Variants in USP15 observed in about 807,000 individuals in gnomAD.
The protein encoded by USP15 is ubiquitin specific peptidase 15, also known as ubiquitin carboxyl-terminal hydrolase 15.
In USP15, 18 loss-of-function variants were observed where a neutral mutation model predicts 127.1. The ratio of observed to expected loss-of-function variants is 0.14; its 90% CI spans 0.10 to 0.21. The LOEUF (loss-of-function observed/expected upper bound fraction) is 0.21, where lower values mean the gene tolerates loss of function less well. USP15 is among the 10% of genes least tolerant of loss of function. The probability of loss-of-function intolerance (pLI) is 1.00; values close to 1 mark genes in which losing one functional copy is unlikely to be tolerated. For missense variants in USP15, 805 were observed against 1,159.9 expected (o/e 0.69, Z 4.44); for synonymous variants, 364 against 393.7 (o/e 0.92, Z 0.89).
intron 8 of USP15, chr12:62,374,293 G>A (rs1028942662): frequency 2.6e-6 from 2 of 774,120 alleles, no homozygotes; most frequent in Non-Finnish European, 3.1e-6. Flanking sequence ...TTTAAGGGTT[G>A]TGAGTGGTAT....
At chr12:62,317,243 GT>G (rs2064857251) in intron 4 of USP15, among the ~76,000 whole-genome samples, 1 of 152,096 alleles carries the variant, frequency 6.6e-6, no homozygotes, top group Non-Finnish European at 1.5e-5. Flanking sequence ...ACACTTCATG[GT>G]TATGGTTATA....
chr12:62,283,583 A>G (rs1380984734), intron 1 of USP15, among the ~76,000 whole-genome samples: 1 of 152,198 alleles, frequency 6.6e-6, no homozygotes, highest in African/African-American at 2.4e-5. Flanking sequence ...AGAAAAATCT[A>G]AGGGAACCTA....
At chr12:62,401,426 A>T (rs2067684232) in intron 21 of USP15, 151 bp downstream of exon 21, 2 of 518,888 alleles carry the variant, frequency 3.9e-6, no homozygotes, top group African/African-American at 2.0e-5. Context: ...AAGAAATGTC[A>T]AATTGTCCCC....
chr12:62,383,754 C>G, intron 9 of USP15, 86 bp from the exon 10 acceptor site: 2 of 1,362,464 alleles, frequency 1.5e-6, no homozygotes, highest in Non-Finnish European at 2.0e-6. Flanking sequence ...AATGTGGAAT[C>G]CATGAATAAT....
chr12:62,282,338 A>C (rs1163318152), intron 1 of USP15, among the ~76,000 whole-genome samples: 1 of 152,168 alleles, frequency 6.6e-6, no homozygotes, highest in Non-Finnish European at 1.5e-5. Context: ...TCCAAAAAAA[A>C]ATAAATAAAT....
intron 1 of USP15, among the ~76,000 whole-genome samples, chr12:62,293,551 T>G (rs2064037762): frequency 1.3e-5 from 2 of 152,302 alleles, no homozygotes; most frequent in South Asian, 2.1e-4. Context: ...AGACGGGGTT[T>G]CACGATGTTG....
At chr12:62,278,759 T>G (rs1164883224) in intron 1 of USP15, 1 of 152,182 alleles carries the variant, frequency 6.6e-6, no homozygotes, top group Non-Finnish European at 1.5e-5. Context: ...CCATACAATA[T>G]AGGTTAGACT....
intron 3 of USP15, chr12:62,306,206 A>G (rs2064479855): frequency 6.6e-6 from 1 of 152,180 alleles, no homozygotes. Context: ...CCTCAGAAAC[A>G]TTGTGAGATA....
chr12:62,271,879 G>C (rs901623457), intron 1 of USP15, among the ~76,000 whole-genome samples: 1 of 151,768 alleles, frequency 6.6e-6, no homozygotes. Context: ...TTTATTGCTA[G>C]GTGATGGATT....
intron 1 of USP15, among the ~76,000 whole-genome samples, chr12:62,276,664 C>T (rs541508681): frequency 2.1e-4 from 32 of 151,872 alleles, no homozygotes; most frequent in Non-Finnish European, 3.8e-4. Flanking sequence ...AATACACTAC[C>T]GTATATCAGA....
chr12:62,263,869 G>A (rs1202814692), intron 1 of USP15, among the ~76,000 whole-genome samples: 1 of 152,150 alleles, frequency 6.6e-6, no homozygotes, highest in Non-Finnish European at 1.5e-5. Context: ...ATACATGGTG[G>A]TTTCTTCTGA....
At chr12:62,401,757 C>T (rs1474003601) in intron 21 of USP15, among the ~76,000 whole-genome samples, 1 of 151,530 alleles carries the variant, frequency 6.6e-6, no homozygotes, top group Non-Finnish European at 1.5e-5. Flanking sequence ...TACTTGTGTA[C>T]TTACTACTTT....
At chr12:62,377,145 G>A (rs2066856835) in intron 8 of USP15, among the ~76,000 whole-genome samples, 1 of 151,928 alleles carries the variant, frequency 6.6e-6, no homozygotes, top group South Asian at 2.1e-4. Flanking sequence ...ATCACATCAG[G>A]GTAAATTAGG....
chr12:62,326,470 T>C (rs2065129461), intron 6 of USP15, among the ~76,000 whole-genome samples: 1 of 152,188 alleles, frequency 6.6e-6, no homozygotes, highest in African/African-American at 2.4e-5. Flanking sequence ...TGTGTTTAAA[T>C]ATACAGACTT....
chr12:62,366,069 G>GT (rs1245203183), intron 8 of USP15, among the ~76,000 whole-genome samples: 2 of 152,274 alleles, frequency 1.3e-5, no homozygotes, highest in African/African-American at 4.8e-5. Context: ...GTTTAAAGTA[G>GT]TTTTTTCCAA....
Position 62,395,128 on chromosome 12 carries a change from T to A in USP15, c.2571-1167T>A, listed in dbSNP as rs1352730805. Among the ~76,000 whole-genome samples, 4 of 152,158 alleles carry A rather than the reference T, an allele frequency of 2.6e-5. No individual in the cohort carries two copies. In the East Asian group the frequency reaches 7.7e-4, roughly 29 times the overall value. On this transcript the variant is annotated intron_variant, in intron 19 of 21. Transcript: ENST00000280377. ...TAAGGTTTGATATATTAATATTTTT[T>A]AAAACTTCTAAGGAAGTTTTCACTA...
intron 7 of USP15, among the ~76,000 whole-genome samples, chr12:62,354,047 C>T (rs893756252): frequency 2.6e-5 from 4 of 151,368 alleles, no homozygotes; most frequent in Admixed American, 2.0e-4. Context: ...TTAAAAAATG[C>T]AAAAACATTA....
rs1328366415 is a variant in USP15, at chr12:62,410,273, C to T, written c.*5898C>T. On this transcript the variant is annotated 3_prime_UTR_variant, in exon 22 of 22. Transcript: ENST00000280377. The stretch of plus-strand genomic sequence containing the variant: ...TTCTTGAACTCCCTAATAGAAGCAC[C>T]AAGGATTATCTATTTGTAATCACAT... The T allele has an allele frequency of 2.6e-5, 4 of 151,950 alleles. No homozygotes were observed. The highest frequency in any genetic ancestry group is 4.8e-5 in the African/African-American group (2 of 41,372). 9.4% of individuals were successfully genotyped at this position (151,950 alleles called of 1,614,324 possible). A position where few individuals can be genotyped will look rare whatever the true frequency, so the allele number is the denominator to read the frequency against.
intron 3 of USP15, among the ~76,000 whole-genome samples, chr12:62,312,754 C>CT (rs1187738103): frequency 2.4e-4 from 37 of 151,488 alleles, no homozygotes; most frequent in Admixed American, 2.4e-3. Flanking sequence ...TAAAACTATA[C>CT]TTTTTTTATA....
Sources: allele counts gnomAD v4.1 joint callset (sites outside exome capture counted in the v4.1 genomes callset), GRCh38; gene constraint gnomAD v4.1.1; transcripts MANE v1.5; gene names NCBI Gene and HGNC (gene_info 2026-07-23, HGNC 2026-07-21).